ACOXL: variants seen among roughly 807,000 people sequenced by gnomAD.
ACOXL encodes the protein acyl-coenzyme A oxidase-like protein.
In ACOXL, 70 loss-of-function variants were observed where a neutral mutation model predicts 71.9. The ratio of observed to expected loss-of-function variants is 0.97; its 90% CI spans 0.80 to 1.19. The LOEUF (loss-of-function observed/expected upper bound fraction) is 1.19. Among genes scored for constraint, ACOXL ranks in the 50% most tolerant of loss-of-function variants. The pLI, the probability that ACOXL is intolerant of heterozygous loss-of-function variation, is 0.00. For synonymous variants in ACOXL, 253 were observed against 281.6 expected (o/e 0.90, Z 1.02); for missense variants, 703 against 736.3 (o/e 0.95, Z 0.52).
chr2:110,817,804 CTAAT>C (rs1559301885), intron 9 of ACOXL, among the ~76,000 whole-genome samples: 1 of 152,072 alleles, frequency 6.6e-6, no homozygotes, highest in African/African-American at 2.4e-5. Context: ...ATTTCTTTGT[CTAAT>C]TAGTGTTGTG....
chr2:110,741,545 G>A (rs1396128521), intron 1 of ACOXL, among the ~76,000 whole-genome samples: 1 of 152,172 alleles, frequency 6.6e-6, no homozygotes, highest in Non-Finnish European at 1.5e-5. Flanking sequence ...AGTTACACGT[G>A]CACCCGCGTG....
chr2:110,803,672 C>A (rs906103177), intron 8 of ACOXL, among the ~76,000 whole-genome samples: 1 of 152,138 alleles, frequency 6.6e-6, no homozygotes, highest in Admixed American at 6.5e-5. Flanking sequence ...ATAAATTGGA[C>A]TTCATCGAAG....
intron 10 of ACOXL, among the ~76,000 whole-genome samples, chr2:110,879,205 A>G (rs1313518168): frequency 6.6e-6 from 1 of 152,218 alleles, no homozygotes; most frequent in Non-Finnish European, 1.5e-5. Flanking sequence ...AATCAAATCC[A>G]AAGAAAATGA....
At chr2:111,106,933 T>C (rs1420085205) in intron 17 of ACOXL, among the ~76,000 whole-genome samples, 1 of 152,198 alleles carries the variant, frequency 6.6e-6, no homozygotes, top group Non-Finnish European at 1.5e-5. Context: ...GTTACCGCCA[T>C]GTGATGACTA....
At chr2:110,994,495 C>T (rs1294773776) in intron 13 of ACOXL, among the ~76,000 whole-genome samples, 1 of 151,904 alleles carries the variant, frequency 6.6e-6, no homozygotes, top group Admixed American at 6.6e-5. Flanking sequence ...CTTGTAATAA[C>T]TTACTTCCTC....
At chr2:110,992,578 A>G (rs1247488549) in intron 13 of ACOXL, among the ~76,000 whole-genome samples, 1 of 152,104 alleles carries the variant, frequency 6.6e-6, no homozygotes, top group East Asian at 1.9e-4. Flanking sequence ...CACAGTAACT[A>G]CCCCTCATTT....
rs969252230 is a variant in ACOXL at position 111,087,034 on chromosome 2, G to T, written c.1441-5831G>T. 3.9e-5 allele frequency among the ~76,000 whole-genome samples: 6 copies of T among 152,230 alleles called. 1 individual carries two copies. The East Asian group carries it at 1.2e-3, about 29-fold the overall frequency. On this transcript the variant is annotated intron_variant, in intron 16 of 17. Coordinates refer to ENST00000439055, the MANE Select transcript of ACOXL (RefSeq NM_001142807.4). ...AAATCCAAGTTCAGAGCCAAATCAG[G>T]AATGCAATCCCATTCACAATGGACA...
At chr2:110,857,570 C>T (rs1411839978) in intron 10 of ACOXL, among the ~76,000 whole-genome samples, 1 of 152,090 alleles carries the variant, frequency 6.6e-6, no homozygotes, top group Non-Finnish European at 1.5e-5. Flanking sequence ...ATTTTAAACA[C>T]GAGGGAGAGT....
chr2:110,870,789 G>A (rs1034260324), intron 10 of ACOXL, among the ~76,000 whole-genome samples: 4 of 152,158 alleles, frequency 2.6e-5, no homozygotes, highest in African/African-American at 9.7e-5. Flanking sequence ...TCAGTTTCCT[G>A]TCTCAGGGTG....
chr2:110,927,588 C>T (rs2060321357), intron 11 of ACOXL, among the ~76,000 whole-genome samples: 1 of 152,216 alleles, frequency 6.6e-6, no homozygotes, highest in Non-Finnish European at 1.5e-5. Flanking sequence ...CTCCCTGAGC[C>T]CCTTCTGGAA....
At chr2:110,835,929 C>G (rs1349504143) in intron 9 of ACOXL, among the ~76,000 whole-genome samples, 3 of 152,198 alleles carry the variant, frequency 2.0e-5, no homozygotes, top group African/African-American at 7.2e-5. Flanking sequence ...CGGCCTAAAA[C>G]AACCCTGTGG....
intron 12 of ACOXL, among the ~76,000 whole-genome samples, chr2:110,949,952 C>T (rs891838669): frequency 3.3e-5 from 5 of 152,144 alleles, no homozygotes; most frequent in African/African-American, 9.6e-5. Flanking sequence ...CCTCTGGGTT[C>T]CATGTTAATG....
intron 16 of ACOXL, among the ~76,000 whole-genome samples, chr2:111,068,053 C>A (rs2067156836): frequency 6.6e-6 from 1 of 152,140 alleles, no homozygotes; most frequent in South Asian, 2.1e-4. Context: ...AAATACCCCA[C>A]AAATGGAAGC....
intron 12 of ACOXL, chr2:110,963,674 G>A (rs1297805503): frequency 1.2e-6 from 2 of 1,613,836 alleles, no homozygotes; most frequent in Non-Finnish European, 1.7e-6. Context: ...ACACAGATGT[G>A]TTTGCCACTT....
chr2:111,092,869 G>A lies in ACOXL; in HGVS notation c.1445G>A (p.Cys482Tyr). Residue 482 changes from cysteine (C) to tyrosine (Y), a missense_variant, in exon 17 of 18, where the codon TGT (cysteine) becomes TAT (tyrosine). Physicochemically the swap from Cys to Tyr is radical, Grantham distance 194 (BLOSUM62 -2). Coordinates refer to ENST00000439055, the MANE Select transcript of ACOXL (RefSeq NM_001142807.4). ...QEDQTLLMKF[C>Y]LLYGTKLVFQ... is the part of the protein sequence containing the mutation. ...TTGTTTTCCCCCACCCCTTAGTTTT[G>A]TCTGTTGTATGGAACCAAGCTGGTG... is the stretch of plus-strand genomic sequence containing the variant. 1 of 1,612,548 alleles carries A rather than the reference G, an allele frequency of 6.2e-7. No individual in the cohort carries two copies. The highest frequency in any genetic ancestry group is 8.5e-7 in the Non-Finnish European group (1 of 1,179,270).
chr2:110,901,399 T>G (rs774162958), intron 10 of ACOXL, among the ~76,000 whole-genome samples: 6 of 152,140 alleles, frequency 3.9e-5, no homozygotes, highest in Admixed American at 6.5e-5. Context: ...AATATTCCCG[T>G]GTTTAAAAAT....
At chr2:110,997,028 A>G (rs751979695) in intron 14 of ACOXL, among the ~76,000 whole-genome samples, 3 of 152,126 alleles carry the variant, frequency 2.0e-5, no homozygotes, top group Non-Finnish European at 4.4e-5. Flanking sequence ...GGTTTAAATC[A>G]CTCCACATAT....
rs115469486 is a variant in ACOXL, at chr2:110,938,711, G to A, written c.1059+5069G>A. Among the ~76,000 whole-genome samples the A allele has an allele frequency of 9.8e-3, 1,462 of 149,356 alleles. 12 individuals carry two copies. Among genetic ancestry groups the A allele is most frequent in the Middle Eastern group, 0.049 (14 of 288 alleles). The stretch of plus-strand genomic sequence containing the variant: ...TGAATGAATGAATGAACGAATAAAT[G>A]AATGAATGAATGAATGAAAGAATGT... On this transcript the variant is annotated intron_variant, in intron 12 of 17. Coordinates refer to ENST00000439055, the MANE Select transcript of ACOXL (RefSeq NM_001142807.4).
intron 10 of ACOXL, among the ~76,000 whole-genome samples, chr2:110,885,982 CA>C (rs1697235748): frequency 6.6e-6 from 1 of 152,134 alleles, no homozygotes; most frequent in South Asian, 2.1e-4. Context: ...ATATGTTTCT[CA>C]AATCAATCCC....
Sources: gnomAD v4.1 joint callset for allele counts (sites outside exome capture counted in the v4.1 genomes callset) on GRCh38, gnomAD v4.1.1 for gene constraint, MANE v1.5 for transcripts, NCBI Gene and HGNC (gene_info 2026-07-23, HGNC 2026-07-21) for gene names.